XRCC4: variants seen among roughly 807,000 people sequenced by gnomAD.
The protein encoded by XRCC4 is X-ray repair cross complementing 4, also known as DNA repair protein XRCC4.
Under a neutral mutation model 39.1 loss-of-function variants are expected in XRCC4, and 28 were observed. The observed-to-expected ratio is 0.72, with a 90% CI of 0.53 to 0.98. The LOEUF (loss-of-function observed/expected upper bound fraction) is 0.98. Among genes scored for constraint, XRCC4 ranks in the 50% least tolerant of loss-of-function variants. XRCC4 has a pLI of 0.00. For synonymous variants in XRCC4, 123 were observed against 126.4 expected (o/e 0.97, Z 0.18); for missense variants, 350 against 376.4 (o/e 0.93, Z 0.58).
At chr5:83,369,327 G>T in the XRCC4 span, among the ~76,000 whole-genome samples, 1 of 152,124 alleles carries the variant, frequency 6.6e-6, no homozygotes, top group Non-Finnish European at 1.5e-5. Flanking sequence ...CTGAGGTTTA[G>T]GGTATGACTG....
chr5:83,225,878 C>T (rs937122065), intron 6 of XRCC4, among the ~76,000 whole-genome samples: 1 of 151,740 alleles, frequency 6.6e-6, no homozygotes, highest in African/African-American at 2.4e-5. Context: ...TGTTTGAATG[C>T]CTGTTAAAAA....
At chr5:83,308,746 A>G (rs540137081) in intron 7 of XRCC4, among the ~76,000 whole-genome samples, 1 of 152,154 alleles carries the variant, frequency 6.6e-6, no homozygotes, top group African/African-American at 2.4e-5. Context: ...AATGTTTCAA[A>G]CTAACATTTA....
chr5:83,189,953 A>G (rs545759796), intron 3 of XRCC4, among the ~76,000 whole-genome samples: 14 of 152,268 alleles, frequency 9.2e-5, no homozygotes, highest in African/African-American at 3.4e-4. Context: ...AATCCCAGCT[A>G]CGTGGGATGC....
At chr5:83,254,202 A>G (rs533527277) in intron 6 of XRCC4, among the ~76,000 whole-genome samples, 3 of 151,974 alleles carry the variant, frequency 2.0e-5, no homozygotes, top group African/African-American at 7.2e-5. Flanking sequence ...TGGAGGTGGA[A>G]TCTTAAGAAA....
intron 3 of XRCC4, among the ~76,000 whole-genome samples, chr5:83,137,894 A>T (rs1747977274): frequency 6.6e-6 from 1 of 152,224 alleles, no homozygotes; most frequent in African/African-American, 2.4e-5. Flanking sequence ...TTCAAACTGC[A>T]GCAAATCCGT....
chr5:83,199,365 A>G (rs1299340781), intron 4 of XRCC4, among the ~76,000 whole-genome samples: 7 of 152,084 alleles, frequency 4.6e-5, no homozygotes, highest in Non-Finnish European at 1.0e-4. Flanking sequence ...GCTGTTCACC[A>G]TCTTTTTCCG....
intron 6 of XRCC4, among the ~76,000 whole-genome samples, chr5:83,239,395 A>G (rs1752815230): frequency 6.6e-6 from 1 of 152,230 alleles, no homozygotes; most frequent in Admixed American, 6.5e-5. Context: ...AAGAGGAAGA[A>G]ATGACTCTCC....
chr5:83,275,396 G>A (rs1754292385), intron 7 of XRCC4, among the ~76,000 whole-genome samples: 1 of 149,954 alleles, frequency 6.7e-6, no homozygotes. Context: ...CCGGGTTCAC[G>A]CCATTCTCCT....
intron 7 of XRCC4, among the ~76,000 whole-genome samples, chr5:83,276,431 G>A (rs1171024076): frequency 6.6e-6 from 1 of 150,698 alleles, no homozygotes; most frequent in East Asian, 2.0e-4. Flanking sequence ...CTAATGAAGG[G>A]ATTAATCCAT....
intron 4 of XRCC4, among the ~76,000 whole-genome samples, chr5:83,202,707 A>G (rs1420395673): frequency 6.6e-6 from 1 of 152,174 alleles, no homozygotes; most frequent in African/African-American, 2.4e-5. Flanking sequence ...AACAACATTG[A>G]AAAGAATACA....
intron 3 of XRCC4, among the ~76,000 whole-genome samples, chr5:83,183,130 T>G (rs1750274118): frequency 6.6e-6 from 1 of 152,160 alleles, no homozygotes; most frequent in South Asian, 2.1e-4. Flanking sequence ...ACCATTCTAA[T>G]TCATCATCAT....
intron 7 of XRCC4, among the ~76,000 whole-genome samples, chr5:83,313,512 C>T (rs1755777856): frequency 2.0e-5 from 3 of 152,106 alleles, no homozygotes; most frequent in African/African-American, 7.2e-5. Context: ...TCCTGGCTCA[C>T]ATCTGATTAC....
chr5:83,229,029 T>C (rs138686384), intron 6 of XRCC4, among the ~76,000 whole-genome samples: 19 of 152,144 alleles, frequency 1.2e-4, no homozygotes, highest in African/African-American at 4.3e-4. Context: ...CCAGTTCCAT[T>C]TGGAGACTTG....
chr5:83,316,284 A>G (rs536644841), intron 7 of XRCC4, among the ~76,000 whole-genome samples: 2 of 152,284 alleles, frequency 1.3e-5, no homozygotes, highest in East Asian at 3.9e-4. Flanking sequence ...CTAGGAAGAA[A>G]CTGCATCAAC....
At chr5:83,313,874 C>A (rs577680490) in intron 7 of XRCC4, among the ~76,000 whole-genome samples, 1 of 152,148 alleles carries the variant, frequency 6.6e-6, no homozygotes, top group South Asian at 2.1e-4. Context: ...ATATTATATT[C>A]TAATTGATTG....
At chr5:83,210,963 C>T (rs887606179) in intron 6 of XRCC4, among the ~76,000 whole-genome samples, 4 of 152,234 alleles carry the variant, frequency 2.6e-5, no homozygotes, top group East Asian at 1.9e-4. Context: ...AGTATCTCTA[C>T]ATCTTTATAT....
chr5:83,174,156 A>G (rs755095102), intron 3 of XRCC4, among the ~76,000 whole-genome samples: 4 of 152,170 alleles, frequency 2.6e-5, no homozygotes, highest in Non-Finnish European at 5.9e-5. Flanking sequence ...CTGATTTATA[A>G]AATTATACTA....
intron 1 of XRCC4, among the ~76,000 whole-genome samples, chr5:83,090,304 A>G (rs1457735547): frequency 6.6e-6 from 1 of 150,742 alleles, no homozygotes; most frequent in East Asian, 1.9e-4. Flanking sequence ...GATAGTGAAT[A>G]AATCTCACGA....
In XRCC4 at chr5:83,179,636, C is replaced by T. The variant is rs190376283; in HGVS notation, c.316-16134C>T. 2.9e-4 allele frequency among the ~76,000 whole-genome samples: 44 copies of T among 152,274 alleles called. 1 individual carries two copies. The East Asian group carries it at 6.8e-3, about 23-fold the overall frequency. Reference sequence around the variant, plus strand: ...ATGCCCCAGCTCTGTGAGAACCCACCAGCACCCAGCACTTACCCTCTACCA... The same window carrying T: ...ATGCCCCAGCTCTGTGAGAACCCACTAGCACCCAGCACTTACCCTCTACCA... On this transcript the variant is annotated intron_variant, in intron 3 of 7. Transcript: ENST00000396027.
Sources: gnomAD v4.1 joint callset for allele counts (sites outside exome capture counted in the v4.1 genomes callset) on GRCh38, gnomAD v4.1.1 for gene constraint, MANE v1.5 for transcripts, NCBI Gene and HGNC (gene_info 2026-07-23, HGNC 2026-07-21) for gene names.